NBR1: variants seen among roughly 807,000 people sequenced by gnomAD.
The protein encoded by NBR1 is NBR1 autophagy cargo receptor, also known as next to BRCA1 gene 1 protein.
A neutral mutation model predicts 115.5 loss-of-function variants in NBR1; 59 were observed. The observed-to-expected ratio is 0.51, with a 90% CI of 0.41 to 0.63. NBR1 has a LOEUF of 0.63. Ranked by LOEUF, NBR1 falls within the 30% of genes least tolerant of loss-of-function variation. The probability of loss-of-function intolerance (pLI) is 0.00; values close to 1 mark genes in which losing one functional copy is unlikely to be tolerated. For missense variants in NBR1, 1,043 were observed against 1,150.5 expected (o/e 0.91, Z 1.35); for synonymous variants, 373 against 414.7 (o/e 0.90, Z 1.22).
intron 1 of NBR1, among the ~76,000 whole-genome samples, chr17:43,171,904 A>T (rs982925484): frequency 1.3e-5 from 2 of 152,152 alleles, no homozygotes; most frequent in Non-Finnish European, 2.9e-5. Context: ...TGGCCTCCCA[A>T]AGTGCTGGGA....
chr17:43,177,572 A>AACACACACACACACACAC lies in NBR1; in HGVS notation c.103-332_103-315dup, dbSNP rs60320098. 1.9e-3 allele frequency among the ~76,000 whole-genome samples: 255 copies of AACACACACACACACACAC among 131,316 alleles called. 5 individuals are homozygous for AACACACACACACACACAC. The highest frequency in any genetic ancestry group is 6.8e-3 in the African/African-American group (222 of 32,608). The allele number at this position is 131,316 out of a possible 152,430, so 86.1% of individuals were successfully genotyped here. On this transcript the variant is annotated intron_variant, in intron 2 of 20. Transcript: ENST00000590996. Reference sequence around the variant, plus strand: ...GTTCCCTACCCCACACCCCACCCAAAACACACACACACACACACACACACA... The same window carrying AACACACACACACACACAC: ...GTTCCCTACCCCACACCCCACCCAAAACACACACACACACACACACACACACACACACACACACACACA...
At chr17:43,180,404 G>A (rs974856257) in intron 4 of NBR1, among the ~76,000 whole-genome samples, 1 of 152,130 alleles carries the variant, frequency 6.6e-6, no homozygotes, top group African/African-American at 2.4e-5. Context: ...CATAGAAAAG[G>A]TACAGTAAAA....
At chr17:43,206,202 A>C (rs1286329529) in intron 20 of NBR1, among the ~76,000 whole-genome samples, 2 of 151,650 alleles carry the variant, frequency 1.3e-5, no homozygotes, top group Non-Finnish European at 1.5e-5. Context: ...AAAAAGAAAA[A>C]CAGACCAAAT....
intron 4 of NBR1, among the ~76,000 whole-genome samples, chr17:43,180,232 T>A (rs1028339845): frequency 1.3e-5 from 2 of 152,216 alleles, no homozygotes; most frequent in Non-Finnish European, 2.9e-5. Flanking sequence ...TGTCATTATA[T>A]GGACATCATA....
intron 4 of NBR1, 29 bp downstream of exon 4, chr17:43,179,441 T>C (rs371685787): frequency 6.2e-7 from 1 of 1,607,422 alleles, no homozygotes; most frequent in African/African-American, 1.3e-5. Flanking sequence ...CTGTTCAGCC[T>C]TGTTTAAAAA....
At chr17:43,189,549 G>T in intron 7 of NBR1, 39 bp from the exon 8 acceptor site, 1 of 1,472,444 alleles carries the variant, frequency 6.8e-7, no homozygotes, top group South Asian at 1.1e-5. Flanking sequence ...TCTGATATTG[G>T]AACTGAGTTT....
At chr17:43,209,659 T>C (rs1042882631) in intron 20 of NBR1, 1 of 1,535,404 alleles carries the variant, frequency 6.5e-7, no homozygotes, top group Non-Finnish European at 8.7e-7. Context: ...GTTCATTAGC[T>C]CCCCGGTTTC....
intron 6 of NBR1, 40 bp downstream of exon 6, chr17:43,186,484 T>TTTTTC: frequency 7.1e-7 from 1 of 1,401,776 alleles, no homozygotes. Context: ...TATCGTTTCT[T>TTTTTC]TTTTCTTTTT....
In NBR1 at chr17:43,186,361, G is replaced by A. The variant is rs1356243421; in HGVS notation, c.319G>A (p.Gly107Arg). 3 of 1,601,556 alleles carry A rather than the reference G, an allele frequency of 1.9e-6. No individual in the cohort carries two copies. The highest frequency in any genetic ancestry group is 3.3e-4 in the Middle Eastern group (2 of 6,050). The change falls in exon 6 of 21, where the codon GGG becomes AGG. Residue 107 changes from glycine (G) to arginine (R), a missense_variant. By Grantham distance (125) the Gly-to-Arg change is moderately radical. Coordinates refer to ENST00000590996, the MANE Select transcript of NBR1 (RefSeq NM_005899.5). ...AGCAAAACGACTAGCTGCCAGGGCA[G>A]GGAAGAAGCCACTTGCACATTACTC... is the stretch of plus-strand genomic sequence containing the variant. ...VGAKRLAARAGKKPLAHYSSL... is the reference protein window; with the variant it reads ...VGAKRLAARARKKPLAHYSSL...
At chr17:43,203,826 T>A in intron 20 of NBR1, 40 bp downstream of exon 20, 1 of 1,268,724 alleles carries the variant, frequency 7.9e-7, no homozygotes, top group Non-Finnish European at 1.1e-6. Context: ...CTCAACTCCA[T>A]GTCACCAGTG....
intron 20 of NBR1, among the ~76,000 whole-genome samples, chr17:43,206,958 G>A (rs2057330194): frequency 6.6e-6 from 1 of 152,002 alleles, no homozygotes; most frequent in Non-Finnish European, 1.5e-5. Context: ...CCAGCTACTT[G>A]GGGGGCTTAG....
intron 20 of NBR1, among the ~76,000 whole-genome samples, chr17:43,205,877 C>CAAA (rs71361507): frequency 0.29 from 16,999 of 58,324 alleles, 2,052 homozygotes; most frequent in South Asian, 0.39. Flanking sequence ...GACCATGTCT[C>CAAA]AAAAAAAAAA....
At chr17:43,187,905 T>G (rs1355266418) in intron 6 of NBR1, among the ~76,000 whole-genome samples, 3 of 145,246 alleles carry the variant, frequency 2.1e-5, no homozygotes, top group Non-Finnish European at 4.5e-5. Flanking sequence ...TTTTTTTTTT[T>G]TTTGAGATGG....
intron 6 of NBR1, among the ~76,000 whole-genome samples, chr17:43,188,399 A>G (rs1446103334): frequency 6.6e-6 from 1 of 152,090 alleles, no homozygotes; most frequent in South Asian, 2.1e-4. Flanking sequence ...GTTTTCTCTC[A>G]TTGTGTAGGT....
At chr17:43,209,544 C>G (rs1438896279) in intron 20 of NBR1, 1 of 1,529,996 alleles carries the variant, frequency 6.5e-7, no homozygotes, top group Non-Finnish European at 8.8e-7. Context: ...CACAATTACA[C>G]TTATGTTCAC....
chr17:43,209,962 G>T lies in NBR1; in HGVS notation c.2789G>T (p.Cys930Phe), dbSNP rs756606641. Residue 930 changes from cysteine (C) to phenylalanine (F), a missense_variant, in exon 21 of 21, where the codon TGT becomes TTT. Coordinates refer to ENST00000590996, the MANE Select transcript of NBR1 (RefSeq NM_005899.5). Reference protein sequence around the residue: ...LMAHLFEMGFCDRQLNLRLLK... With the variant: ...LMAHLFEMGFFDRQLNLRLLK... Reference sequence around the variant, plus strand: ...GCCCATCTCTTTGAAATGGGATTCTGTGACAGGCAGCTGAACCTACGGCTG... The same window carrying T: ...GCCCATCTCTTTGAAATGGGATTCTTTGACAGGCAGCTGAACCTACGGCTG... 4 of 1,608,372 alleles carry T rather than the reference G, an allele frequency of 2.5e-6. No homozygotes were observed. Among genetic ancestry groups the T allele is most frequent in the Non-Finnish European group, 1.7e-6 (2 of 1,178,084 alleles).
intron 10 of NBR1, among the ~76,000 whole-genome samples, chr17:43,192,325 G>A (rs947576312): frequency 1.3e-5 from 2 of 149,770 alleles, no homozygotes; most frequent in Non-Finnish European, 3.0e-5. Flanking sequence ...CCTGCCTGGC[G>A]TGGTCTTAGT....
chr17:43,190,152 A>C, intron 8 of NBR1: 1 of 304,432 alleles, frequency 3.3e-6, no homozygotes, highest in Admixed American at 5.0e-5. Context: ...TGCAGGGTGC[A>C]ATCATGGTTC....
At chr17:43,176,250 A>T (rs891505409) in intron 2 of NBR1, 1 of 185,270 alleles carries the variant, frequency 5.4e-6, no homozygotes, top group African/African-American at 2.4e-5. Context: ...TTGTGTGAGG[A>T]TATGACTTGT....
Sources: gnomAD v4.1 joint callset for allele counts (sites outside exome capture counted in the v4.1 genomes callset) on GRCh38, gnomAD v4.1.1 for gene constraint, MANE v1.5 for transcripts, NCBI Gene and HGNC (gene_info 2026-07-23, HGNC 2026-07-21) for gene names.